The following PLD5 variants were observed in gnomAD, a reference collection of about 807,000 sequenced individuals.
PLD5 encodes phospholipase D family member 5.
Under a neutral mutation model 61.1 loss-of-function variants are expected in PLD5, and 36 were observed. The observed-to-expected ratio is 0.59, with a 90% CI of 0.45 to 0.78. The LOEUF is 0.78. Among genes scored for constraint, PLD5 ranks in the 30% least tolerant of loss-of-function variants. The pLI is 0.00. For missense variants in PLD5, 515 were observed against 644.4 expected (o/e 0.80, Z 2.17); for synonymous variants, 243 against 242.8 (o/e 1.00, Z -0.01).
rs374256891 is a variant in PLD5 at position 242,464,131 on chromosome 1, G to T, written c.189+59957C>A. 1.1e-4 allele frequency among the ~76,000 whole-genome samples: 17 copies of T among 152,222 alleles called. No homozygotes were observed. In the East Asian group the frequency reaches 3.3e-3, roughly 29 times the overall value. ...CCTCCTTGACACAATTTTCTCACTT[G>T]CCCTTTCAGTACATGCAACTCTCTT... On this transcript the variant is annotated intron_variant, in intron 1 of 9. Transcript: ENST00000536534.
chr1:242,391,534 T>C (rs1662932090), intron 1 of PLD5, among the ~76,000 whole-genome samples: 3 of 144,120 alleles, frequency 2.1e-5, no homozygotes, highest in African/African-American at 5.2e-5. Flanking sequence ...AGGAAGTTAA[T>C]TGTAGAAAGG....
At chr1:242,212,766 G>C (rs1249689117) in intron 5 of PLD5, among the ~76,000 whole-genome samples, 2 of 152,136 alleles carry the variant, frequency 1.3e-5, no homozygotes, top group Admixed American at 6.5e-5. Flanking sequence ...ATGTACAAGC[G>C]ACATCCCAGA....
At chr1:242,455,883 G>A (rs1000121836) in intron 1 of PLD5, among the ~76,000 whole-genome samples, 9 of 152,242 alleles carry the variant, frequency 5.9e-5, no homozygotes, top group African/African-American at 1.9e-4. Flanking sequence ...CCAGGCAGGT[G>A]TGCTACACCA....
chr1:242,368,336 T>C (rs1209132344), intron 1 of PLD5, among the ~76,000 whole-genome samples: 1 of 27,084 alleles, frequency 3.7e-5, no homozygotes, highest in Non-Finnish European at 3.6e-4. Flanking sequence ...TAAAGCAGCC[T>C]CATTGTCTGG....
At chr1:242,395,963 G>A (rs1045249926) in intron 1 of PLD5, among the ~76,000 whole-genome samples, 5 of 152,262 alleles carry the variant, frequency 3.3e-5, no homozygotes, top group African/African-American at 4.8e-5. Context: ...CAGGAGAACC[G>A]CTTGAACCCC....
intron 2 of PLD5, among the ~76,000 whole-genome samples, chr1:242,340,422 G>A (rs1659764905): frequency 6.6e-6 from 1 of 151,866 alleles, no homozygotes; most frequent in African/African-American, 2.4e-5. Context: ...ATGTAGATAA[G>A]GGGAAAATTT....
chr1:242,143,316 G>A (rs765299244), intron 5 of PLD5, among the ~76,000 whole-genome samples: 2 of 152,118 alleles, frequency 1.3e-5, no homozygotes, highest in African/African-American at 2.4e-5. Flanking sequence ...GCATCTCAAA[G>A]TGCTGGGATT....
At chr1:242,484,944 A>G (rs1289056069) in intron 1 of PLD5, among the ~76,000 whole-genome samples, 1 of 152,170 alleles carries the variant, frequency 6.6e-6, no homozygotes, top group Admixed American at 6.5e-5. Context: ...TATAAACAGA[A>G]CCAAAGACAA....
At chr1:242,457,789 C>T (rs2102932900) in intron 1 of PLD5, among the ~76,000 whole-genome samples, 1 of 152,274 alleles carries the variant, frequency 6.6e-6, no homozygotes, top group South Asian at 2.1e-4. Context: ...TTACACTGAT[C>T]CTTCTACCCT....
intron 5 of PLD5, among the ~76,000 whole-genome samples, chr1:242,156,624 T>C (rs1665391718): frequency 6.6e-6 from 1 of 152,180 alleles, no homozygotes; most frequent in South Asian, 2.1e-4. Context: ...TTAGTTTGGC[T>C]GGATATGAAA....
chr1:242,478,684 G>C (rs1667674130), intron 1 of PLD5, among the ~76,000 whole-genome samples: 2 of 152,148 alleles, frequency 1.3e-5, no homozygotes, highest in Non-Finnish European at 2.9e-5. Flanking sequence ...GAGTTTCTTT[G>C]ATATTCCCTG....
intron 1 of PLD5, among the ~76,000 whole-genome samples, chr1:242,379,437 C>T (rs778397348): frequency 4.9e-4 from 75 of 152,070 alleles, no homozygotes; most frequent in Non-Finnish European, 8.5e-4. Context: ...AATGGGGGCA[C>T]CACCAGCCAT....
chr1:242,156,432 A>ATG (rs1665376880), intron 5 of PLD5, among the ~76,000 whole-genome samples: 1 of 152,038 alleles, frequency 6.6e-6, no homozygotes, highest in Admixed American at 6.6e-5. Flanking sequence ...AGTTGATGCA[A>ATG]TGTCTTCATA....
chr1:242,398,479 A>G (rs1295301722), intron 1 of PLD5, among the ~76,000 whole-genome samples: 1 of 152,194 alleles, frequency 6.6e-6, no homozygotes, highest in African/African-American at 2.4e-5. Flanking sequence ...CTCTTCCACA[A>G]AACCTTCATA....
At chr1:242,339,932 A>G (rs897433010) in intron 2 of PLD5, among the ~76,000 whole-genome samples, 4 of 152,220 alleles carry the variant, frequency 2.6e-5, no homozygotes, top group African/African-American at 9.6e-5. Context: ...AAATGGATCA[A>G]ATGACTCACT....
At chr1:242,471,777 ACAAAATGTGTTCTGAACTTTGAAGCCAAT>A (rs1239271208) in intron 1 of PLD5, among the ~76,000 whole-genome samples, 3 of 152,196 alleles carry the variant, frequency 2.0e-5, no homozygotes, top group Admixed American at 2.0e-4. Context: ...ATTTCCTACA[ACAAAATGTGTTCTGAACTTTGAAGCCAAT>A]CAAGTTTGTT....
intron 7 of PLD5, among the ~76,000 whole-genome samples, chr1:242,109,832 G>C (rs1445985346): frequency 6.6e-6 from 1 of 151,890 alleles, no homozygotes; most frequent in East Asian, 1.9e-4. Context: ...CCTAGTGTCT[G>C]TAATATTCTG....
intron 5 of PLD5, among the ~76,000 whole-genome samples, chr1:242,186,038 TC>T (rs1406174837): frequency 1.3e-5 from 2 of 152,150 alleles, no homozygotes; most frequent in Non-Finnish European, 1.5e-5. Context: ...ACCATCAATT[TC>T]TTGGCAATTA....
chr1:242,507,286 A>T (rs564275608), intron 1 of PLD5, among the ~76,000 whole-genome samples: 1 of 152,262 alleles, frequency 6.6e-6, no homozygotes, highest in African/African-American at 2.4e-5. Context: ...CAACCCTGAA[A>T]TTCAATCTCA....
Sources: allele counts gnomAD v4.1 joint callset (sites outside exome capture counted in the v4.1 genomes callset), GRCh38; gene constraint gnomAD v4.1.1; transcripts MANE v1.5; gene names NCBI Gene and HGNC (gene_info 2026-07-23, HGNC 2026-07-21).